Variants in DNAAF1 observed in about 807,000 individuals in gnomAD.
DNAAF1 encodes dynein assembly factor 1, axonemal.
A neutral mutation model predicts 71.1 loss-of-function variants in DNAAF1; 65 were observed. That is an observed-to-expected ratio of 0.91 (90% CI 0.75 to 1.12). The LOEUF is 1.12. DNAAF1 is among the 50% of genes most tolerant of loss of function. The pLI is 0.00. For synonymous variants in DNAAF1, 414 were observed against 354.6 expected (o/e 1.17, Z -1.88); for missense variants, 1,178 against 899.8 (o/e 1.31, Z -3.96).
rs761384380 is a variant in DNAAF1 at position 84,177,762 on chromosome 16, C to T, written c.2099C>T (p.Thr700Met). ...GAGAGCGCCGCCACACCCCCAGAGACGTGTGTCGGAGTTGCCCAGCCCAGC... is the reference window on the plus strand; with the variant it reads ...GAGAGCGCCGCCACACCCCCAGAGATGTGTGTCGGAGTTGCCCAGCCCAGC... Reference protein sequence around the residue: ...PTESAATPPETCVGVAQPSQA... With the variant: ...PTESAATPPEMCVGVAQPSQA... The change falls in exon 12 of 12, where the codon ACG becomes ATG. Residue 700 changes from threonine (T) to methionine (M), a missense_variant. By Grantham distance (81) the Thr-to-Met change is moderately conservative. Coordinates refer to ENST00000378553, the MANE Select transcript of DNAAF1 (RefSeq NM_178452.6). 27 of 1,613,910 alleles carry T rather than the reference C, an allele frequency of 1.7e-5. No individual in the cohort carries two copies. The highest frequency in any genetic ancestry group is 1.2e-4 in the South Asian group (11 of 91,080).
At chr16:84,159,149 T>C (rs968590920) in intron 5 of DNAAF1, 1 of 996,300 alleles carries the variant, frequency 1.0e-6, no homozygotes, top group Admixed American at 5.6e-5. Flanking sequence ...TGGTCCTAAG[T>C]GACAGCGGGG....
chr16:84,163,971 G>C lies in DNAAF1; in HGVS notation c.864-1812G>C, dbSNP rs1385695301. On this transcript the variant is annotated intron_variant, in intron 6 of 11. Coordinates refer to ENST00000378553, the MANE Select transcript of DNAAF1 (RefSeq NM_178452.6). ...AGGTGTGCACCACCATGCCTGGCTA[G>C]TTTTTGTGCTTTTTGTAGAGACGGG... Among the ~76,000 whole-genome samples the C allele has an allele frequency of 7.9e-5, 12 of 151,776 alleles. 1 individual carries two copies. The highest frequency in any genetic ancestry group is 1.5e-5 in the Non-Finnish European group (1 of 67,970).
intron 5 of DNAAF1, among the ~76,000 whole-genome samples, chr16:84,156,467 G>T (rs1158223424): frequency 6.6e-6 from 1 of 152,198 alleles, no homozygotes; most frequent in Non-Finnish European, 1.5e-5. Flanking sequence ...TCCACTGCCA[G>T]CTCCTCACAT....
rs764509187 is a variant in DNAAF1 at position 84,169,945 on chromosome 16, C to G, written c.1117C>G (p.Gln373Glu). The G allele has an allele frequency of 4.3e-5, 70 of 1,614,028 alleles. No homozygotes were observed. The highest frequency in any genetic ancestry group is 5.8e-5 in the Non-Finnish European group (68 of 1,180,042). Residue 373 changes from glutamine to glutamate, a missense_variant, in exon 8 of 12, where the codon CAG (glutamine) becomes GAG (glutamate). Physicochemically the swap from Gln to Glu is conservative, Grantham distance 29. Coordinates refer to ENST00000378553, the MANE Select transcript of DNAAF1 (RefSeq NM_178452.6). ...EEPPGDRETR[Q>E]KMELFVKESF... is the part of the protein sequence containing the mutation. The stretch of plus-strand genomic sequence containing the variant: ...GCCTCCCGGGGACAGAGAAACAAGG[C>G]AGAAGATGGAGCTATTTGTTAAGGA...
chr16:84,160,808 G>A (rs1000409875), intron 6 of DNAAF1, among the ~76,000 whole-genome samples: 6 of 149,754 alleles, frequency 4.0e-5, no homozygotes, highest in Admixed American at 6.6e-5. Context: ...GGTGGTGGGC[G>A]CCTGTAGTCC....
chr16:84,169,919 A>C lies in DNAAF1; in HGVS notation c.1091A>C (p.Glu364Ala). ...CCCGCCAGTGCGGAAGGCAAGGAGG[A>C]GCCTCCCGGGGACAGAGAAACAAGG... ...NVPASAEGKEEPPGDRETRQK... is the reference protein window; with the variant it reads ...NVPASAEGKEAPPGDRETRQK... The change falls in exon 8 of 12, where the codon GAG becomes GCG. Residue 364 changes from glutamate (E) to alanine (A), a missense_variant. By Grantham distance (107) the Glu-to-Ala change is moderately radical. Coordinates refer to ENST00000378553, the MANE Select transcript of DNAAF1 (RefSeq NM_178452.6). The C allele has an allele frequency of 3.7e-6, 6 of 1,614,136 alleles. No individual in the cohort carries two copies. Among genetic ancestry groups the C allele is most frequent in the Non-Finnish European group, 5.1e-6 (6 of 1,180,028 alleles).
intron 9 of DNAAF1, chr16:84,173,206 G>A: frequency 1.1e-5 from 11 of 984,174 alleles, no homozygotes; most frequent in Non-Finnish European, 1.3e-5. Context: ...GCTTACGCCT[G>A]TAATCCCAGC....
chr16:84,168,778 T>G (rs1327010252), intron 7 of DNAAF1, among the ~76,000 whole-genome samples: 1 of 151,608 alleles, frequency 6.6e-6, no homozygotes, highest in Non-Finnish European at 1.5e-5. Flanking sequence ...ATGTCTGCAT[T>G]TATTAATAGA....
intron 9 of DNAAF1, chr16:84,173,091 T>G: frequency 3.0e-6 from 3 of 986,458 alleles, no homozygotes; most frequent in Non-Finnish European, 3.6e-6. Context: ...GGTGGTCCCC[T>G]GCCCACTTCC....
Position 84,173,494 on chromosome 16 carries a change from G to A in DNAAF1, c.1644+1119G>A, listed in dbSNP as rs545293326. ...AGAAAAAAAGAGTTAAAGTGATCAC[G>A]GTCAGAATTCACAGTGGGTTTCTAG... On this transcript the variant is annotated intron_variant, in intron 9 of 11. Coordinates refer to ENST00000378553, the MANE Select transcript of DNAAF1 (RefSeq NM_178452.6). The A allele has an allele frequency of 3.0e-5, 30 of 984,316 alleles. No individual in the cohort carries two copies. The East Asian group carries it at 1.8e-3, about 60-fold the overall frequency. The allele number at this position is 984,316 out of a possible 1,614,324, so 61.0% of individuals were successfully genotyped here.
chr16:84,146,721 G>A (rs2086930704), intron 1 of DNAAF1, among the ~76,000 whole-genome samples: 1 of 151,948 alleles, frequency 6.6e-6, no homozygotes, highest in South Asian at 2.1e-4. Context: ...CCCCAGCCTG[G>A]GCAATGGAGC....
rs769311064 is a variant in DNAAF1, at chr16:84,148,959, T to C, written c.125-48T>C. ...ACCAAGCTGAAGTTGGGGGTATTTT[T>C]TGGCATATATCTTGATCTCTACAGA... On this transcript the variant is annotated intron_variant, in intron 1 of 11. Transcript: ENST00000378553. The C allele has an allele frequency of 8.1e-6, 13 of 1,609,598 alleles. No individual in the cohort carries two copies. The African/African-American group carries it at 1.7e-4, about 22-fold the overall frequency.
intron 4 of DNAAF1, among the ~76,000 whole-genome samples, chr16:84,155,129 C>T (rs1488338979): frequency 1.3e-5 from 2 of 152,162 alleles, no homozygotes; most frequent in South Asian, 2.1e-4. Flanking sequence ...AGGATGGTCT[C>T]GATCTCCTGA....
chr16:84,172,119 C>T (rs533098668), intron 8 of DNAAF1, 141 bp from the exon 9 acceptor site: 16 of 772,816 alleles, frequency 2.1e-5, no homozygotes, highest in South Asian at 1.5e-4. Flanking sequence ...CCTTGTGATC[C>T]GCCCACCTTG....
At position 84,176,316 on chromosome 16, in the gene DNAAF1, G is replaced by A. The variant is rs754395286; in HGVS notation, c.2065+17G>A. 2.4e-5 allele frequency: 39 copies of A among 1,612,846 alleles called. No individual in the cohort carries two copies. Among genetic ancestry groups the A allele is most frequent in the South Asian group, 1.6e-4 (15 of 91,058 alleles). ...CTTCTCCGGGTAAGAGCGTGGGGCC[G>A]AGAGCACAGTGGAGACAATGTTGGC... On this transcript the variant is annotated intron_variant, in intron 11 of 11. Transcript: ENST00000378553.
In DNAAF1 at chr16:84,172,378, A is replaced by C; in HGVS notation, c.1644+3A>C. 6.2e-7 allele frequency: 1 copy of C among 1,613,812 alleles called. No individual in the cohort carries two copies. The highest frequency in any genetic ancestry group is 8.5e-7 in the Non-Finnish European group (1 of 1,179,760). On this transcript the variant is annotated splice_donor_region_variant and intron_variant, in intron 9 of 11. Coordinates refer to ENST00000378553, the MANE Select transcript of DNAAF1 (RefSeq NM_178452.6). Reference sequence around the variant, plus strand: ...CAAAGGAGACATTCTGCATTGATGTACATGAAGTATTTAATCTTGGAGATA... The same window carrying C: ...CAAAGGAGACATTCTGCATTGATGTCCATGAAGTATTTAATCTTGGAGATA...
At chr16:84,162,898 C>G (rs2087783163) in intron 6 of DNAAF1, among the ~76,000 whole-genome samples, 1 of 152,076 alleles carries the variant, frequency 6.6e-6, no homozygotes, top group Non-Finnish European at 1.5e-5. Flanking sequence ...CTGGCAGCCA[C>G]TCCTCTGCTT....
chr16:84,156,065 G>A (rs2087413176), intron 5 of DNAAF1, among the ~76,000 whole-genome samples: 1 of 152,056 alleles, frequency 6.6e-6, no homozygotes, highest in Non-Finnish European at 1.5e-5. Flanking sequence ...TGGGTTCAAG[G>A]AATTCTCCTG....
At chr16:84,152,059 G>A (rs1001188366) in intron 3 of DNAAF1, among the ~76,000 whole-genome samples, 5 of 152,222 alleles carry the variant, frequency 3.3e-5, no homozygotes, top group African/African-American at 9.6e-5. Context: ...AGGGGCGCAG[G>A]GCCTGTGGGC....
Sources: gnomAD v4.1 joint callset for allele counts (sites outside exome capture counted in the v4.1 genomes callset) on GRCh38, gnomAD v4.1.1 for gene constraint, MANE v1.5 for transcripts, NCBI Gene and HGNC (gene_info 2026-07-23, HGNC 2026-07-21) for gene names.